Variants in LARGE1 observed in about 807,000 individuals in gnomAD.
LARGE1 encodes the protein LARGE xylosyl- and glucuronyltransferase 1.
A neutral mutation model predicts 87.6 loss-of-function variants in LARGE1; 43 were observed. The observed-to-expected ratio is 0.49, with a 90% CI of 0.38 to 0.63. The LOEUF (loss-of-function observed/expected upper bound fraction) is 0.63. Among genes scored for constraint, LARGE1 ranks in the 30% least tolerant of loss-of-function variants. The probability of loss-of-function intolerance (pLI) is 0.00; values close to 1 mark genes in which losing one functional copy is unlikely to be tolerated. For synonymous variants in LARGE1, 434 were observed against 394.6 expected, an observed-to-expected ratio of 1.10 and a Z score of -1.18; for missense variants, 802 against 1,000.2, an observed-to-expected ratio of 0.80 and a Z score of 2.67.
chr22:33,198,891 T>C (rs1924227355), intron 11 of LARGE1, among the ~76,000 whole-genome samples: 1 of 152,208 alleles, frequency 6.6e-6, no homozygotes, highest in South Asian at 2.1e-4. Flanking sequence ...AATTGAATGA[T>C]AGACTTTTAG....
chr22:33,554,431 C>A (rs1471219377), intron 6 of LARGE1, among the ~76,000 whole-genome samples: 2 of 152,126 alleles, frequency 1.3e-5, no homozygotes, highest in Non-Finnish European at 2.9e-5. Flanking sequence ...TTAAAAACAA[C>A]AACAACAACA....
At chr22:33,306,710 A>G (rs1934967906) in intron 11 of LARGE1, among the ~76,000 whole-genome samples, 2 of 152,032 alleles carry the variant, frequency 1.3e-5, no homozygotes, top group Admixed American at 1.3e-4. Flanking sequence ...CATCTCTACT[A>G]AAAATACAAA....
chr22:33,724,372 A>T (rs1177961206), intron 2 of LARGE1: 1 of 152,420 alleles, frequency 6.6e-6, no homozygotes, highest in African/African-American at 2.4e-5. Flanking sequence ...TGAAGGACTA[A>T]GTCCCATAAT....
chr22:33,523,519 T>C (rs903885617), intron 6 of LARGE1, among the ~76,000 whole-genome samples: 2 of 152,214 alleles, frequency 1.3e-5, no homozygotes, highest in Non-Finnish European at 2.9e-5. Flanking sequence ...GTCTGTGACA[T>C]GAATCGCAAA....
chr22:33,166,365 T>C (rs1922267889), exon 12 of LARGE1: 1 of 174,856 alleles, frequency 5.7e-6, no homozygotes. Flanking sequence ...CAAGGGGATG[T>C]TCCCCTGCAT....
chr22:33,748,130 G>GGTTT (rs2084168617), intron 2 of LARGE1, among the ~76,000 whole-genome samples: 1 of 138,808 alleles, frequency 7.2e-6, no homozygotes, highest in African/African-American at 3.1e-5. Flanking sequence ...TATCAATGCA[G>GGTTT]GTTTGTTTTT....
At chr22:33,821,665 T>C (rs1455488366) in intron 1 of LARGE1, among the ~76,000 whole-genome samples, 1 of 152,178 alleles carries the variant, frequency 6.6e-6, no homozygotes, top group East Asian at 1.9e-4. Flanking sequence ...GTACCCTCCT[T>C]AGCCCCAATC....
At chr22:33,909,299 G>A (rs1301365756) in intron 1 of LARGE1, among the ~76,000 whole-genome samples, 2 of 152,152 alleles carry the variant, frequency 1.3e-5, no homozygotes, top group Non-Finnish European at 2.9e-5. Context: ...CTGTCCTCCT[G>A]TAACAGTTCC....
At chr22:33,879,914 C>A (rs1462371920) in intron 1 of LARGE1, among the ~76,000 whole-genome samples, 1 of 152,166 alleles carries the variant, frequency 6.6e-6, no homozygotes, top group Non-Finnish European at 1.5e-5. Context: ...AATAAGCAAC[C>A]AGCTCATCTT....
At chr22:33,380,279 C>T (rs954897115) in intron 9 of LARGE1, among the ~76,000 whole-genome samples, 1 of 152,152 alleles carries the variant, frequency 6.6e-6, no homozygotes, top group African/African-American at 2.4e-5. Flanking sequence ...CTAACAAGCA[C>T]ATGATATACA....
chr22:33,224,784 A>G (rs1434637550), intron 11 of LARGE1, among the ~76,000 whole-genome samples: 3 of 152,224 alleles, frequency 2.0e-5, no homozygotes, highest in African/African-American at 4.8e-5. Context: ...GGTGTCTAGA[A>G]GAACAAGGAG....
At chr22:33,311,070 T>C (rs1361797779) in intron 11 of LARGE1, among the ~76,000 whole-genome samples, 3 of 151,990 alleles carry the variant, frequency 2.0e-5, no homozygotes, top group Admixed American at 2.0e-4. Context: ...ACACCATTCT[T>C]CTGCCTCAGC....
At chr22:33,916,343 T>A (rs1438276056) in intron 1 of LARGE1, among the ~76,000 whole-genome samples, 1 of 151,942 alleles carries the variant, frequency 6.6e-6, no homozygotes, top group Non-Finnish European at 1.5e-5. Context: ...CATAAAAGAC[T>A]AGAAGCTAAA....
At chr22:33,730,989 C>T (rs1404952493) in intron 2 of LARGE1, among the ~76,000 whole-genome samples, 1 of 147,364 alleles carries the variant, frequency 6.8e-6, no homozygotes, top group Non-Finnish European at 1.5e-5. Flanking sequence ...ACCACTGCGC[C>T]CAGCCTGCAA....
chr22:33,564,964 T>C lies in LARGE1; in HGVS notation c.671A>G (p.Lys224Arg). 6.2e-7 allele frequency: 1 copy of C among 1,614,132 alleles called. No individual in the cohort carries two copies. Among genetic ancestry groups the C allele is most frequent in the Non-Finnish European group, 8.5e-7 (1 of 1,180,002 alleles). ...AGGAAGAGTCTTGGTCAGGACAAGC[T>C]TCATCAGACCATAAATCCCAGAGTA... ...KHYSGIYGLM[K>R]LVLTKTLPAN... Residue 224 changes from lysine (K) to arginine (R), a missense_variant, in exon 6 of 15, where the codon AAG becomes AGG. Around this residue, in one of 2 missense-constraint regions of LARGE1, gnomAD observed 625 missense variants for 841.9 expected, o/e 0.74. Transcript: ENST00000397394.
intron 2 of LARGE1, among the ~76,000 whole-genome samples, chr22:33,682,432 C>A (rs968291496): frequency 5.9e-5 from 9 of 152,180 alleles, no homozygotes; most frequent in African/African-American, 9.7e-5. Flanking sequence ...CCAGGCTGTT[C>A]CCTGTCACCC....
At chr22:33,736,289 CCTCT>C (rs1307508232) in intron 2 of LARGE1, among the ~76,000 whole-genome samples, 1 of 152,212 alleles carries the variant, frequency 6.6e-6, no homozygotes, top group Non-Finnish European at 1.5e-5. Flanking sequence ...TTCTCCATAT[CCTCT>C]CTAACACTTG....
chr22:33,759,298 T>C (rs773830575), intron 2 of LARGE1, among the ~76,000 whole-genome samples: 6 of 152,328 alleles, frequency 3.9e-5, no homozygotes, highest in South Asian at 2.1e-4. Context: ...CTCACCCAGA[T>C]TGTGTGACAC....
chr22:33,311,492 A>T (rs1935585238), intron 11 of LARGE1, among the ~76,000 whole-genome samples: 1 of 152,196 alleles, frequency 6.6e-6, no homozygotes, highest in Non-Finnish European at 1.5e-5. Flanking sequence ...AAGAAAAGGG[A>T]AATTAATATT....
Sources: gnomAD v4.1 joint callset for allele counts (sites outside exome capture counted in the v4.1 genomes callset) on GRCh38, gnomAD v4.1.1 for gene constraint, gnomAD v4.1.1 regional missense constraint, MANE v1.5 for transcripts, NCBI Gene and HGNC (gene_info 2026-07-23, HGNC 2026-07-21) for gene names.